Variants in CNTN5 observed in about 807,000 individuals in gnomAD.
CNTN5 encodes contactin-5.
In CNTN5, 77 loss-of-function variants were observed where a neutral mutation model predicts 129.1. The observed-to-expected ratio is 0.60, with a 90% CI of 0.50 to 0.72. The LOEUF (loss-of-function observed/expected upper bound fraction) is 0.72, where lower values mean the gene tolerates loss of function less well. CNTN5 is among the 30% of genes least tolerant of loss of function. The pLI is 0.00. For synonymous variants in CNTN5, 509 were observed against 465.6 expected (o/e 1.09, Z -1.20); for missense variants, 1,478 against 1,328.8 (o/e 1.11, Z -1.75).
chr11:99,045,278 A>G (rs1183611926), intron 1 of CNTN5, among the ~76,000 whole-genome samples: 1 of 152,254 alleles, frequency 6.6e-6, no homozygotes, highest in Non-Finnish European at 1.5e-5. Context: ...ACATTAGGTG[A>G]AATAATTATA....
chr11:99,307,069 C>T (rs986064869), intron 1 of CNTN5, among the ~76,000 whole-genome samples: 1 of 151,810 alleles, frequency 6.6e-6, no homozygotes. Flanking sequence ...CGTTTTGATC[C>T]CTAATGAAAT....
At chr11:100,039,919 C>G (rs183696252) in intron 9 of CNTN5, among the ~76,000 whole-genome samples, 3 of 152,070 alleles carry the variant, frequency 2.0e-5, no homozygotes, top group Non-Finnish European at 4.4e-5. Flanking sequence ...TTCGAATTTC[C>G]TCCTGTAGCT....
At chr11:99,441,938 C>T (rs77693326) in intron 2 of CNTN5, among the ~76,000 whole-genome samples, 1,666 of 152,136 alleles carry the variant, frequency 0.011, 30 homozygotes, top group East Asian at 0.1. Flanking sequence ...TCTCTGCCTC[C>T]GTACTATTGA....
chr11:100,337,165 C>T (rs1952054586), intron 21 of CNTN5: 1 of 1,456,544 alleles, frequency 6.9e-7, no homozygotes, highest in South Asian at 1.1e-5. Context: ...CATGAATGTT[C>T]ACCAGTGGGT....
chr11:99,986,881 G>A (rs566314513), intron 8 of CNTN5, among the ~76,000 whole-genome samples: 1 of 152,172 alleles, frequency 6.6e-6, no homozygotes, highest in East Asian at 1.9e-4. Flanking sequence ...ATAAAAATAA[G>A]GGAATGAAAA....
chr11:100,052,891 A>C (rs531589243), intron 9 of CNTN5, among the ~76,000 whole-genome samples: 1 of 151,924 alleles, frequency 6.6e-6, no homozygotes, highest in Non-Finnish European at 1.5e-5. Flanking sequence ...CAACAGAAGA[A>C]AGCTCAGAAA....
At chr11:99,460,642 G>A (rs534039611) in intron 2 of CNTN5, among the ~76,000 whole-genome samples, 45 of 151,992 alleles carry the variant, frequency 3.0e-4, no homozygotes, top group African/African-American at 1.1e-3. Flanking sequence ...TTAACTGACT[G>A]GACTTACCCT....
chr11:99,132,210 TAA>T (rs34834590), intron 1 of CNTN5, among the ~76,000 whole-genome samples: 2,438 of 148,724 alleles, frequency 0.016, 69 homozygotes, highest in African/African-American at 0.055. Flanking sequence ...CCTTTCATGT[TAA>T]AAAAAAAAAA....
chr11:99,536,979 T>C (rs890359167), intron 2 of CNTN5, among the ~76,000 whole-genome samples: 3 of 152,166 alleles, frequency 2.0e-5, no homozygotes, highest in African/African-American at 7.2e-5. Context: ...TACATTCCTT[T>C]TTCTGTACTA....
In CNTN5 at chr11:100,193,662, C is replaced by A. The variant is rs1344063270; in HGVS notation, c.1883C>A (p.Ala628Asp). ...GGTGGACATTTTGAAAGCATCAGGG[C>A]CGTAAGTGAATACACTTTTATTCTT... The part of the protein sequence containing the change: ...EEGGHFESIR[A>D]QASSADLMIR... The change falls in exon 15 of 25, where the codon GCC (alanine) becomes GAC (aspartate). Residue 628 changes from alanine to aspartate, a missense_variant and splice_region_variant. Transcript: ENST00000524871. 1 of 1,608,436 alleles carries A rather than the reference C, an allele frequency of 6.2e-7. No individual in the cohort carries two copies. Among genetic ancestry groups the A allele is most frequent in the Non-Finnish European group, 8.5e-7 (1 of 1,177,680 alleles).
chr11:100,126,193 T>A (rs568854295), intron 13 of CNTN5, among the ~76,000 whole-genome samples: 5 of 152,094 alleles, frequency 3.3e-5, no homozygotes, highest in Admixed American at 6.6e-5. Context: ...GAGTTTTTTT[T>A]AATTTATCGA....
At chr11:99,607,290 A>T (rs1405415872) in intron 3 of CNTN5, among the ~76,000 whole-genome samples, 1 of 111,308 alleles carries the variant, frequency 9.0e-6, no homozygotes. Context: ...TGGGCGAAGG[A>T]CATGAACAGA....
chr11:99,794,421 A>G (rs1029381692), intron 3 of CNTN5, among the ~76,000 whole-genome samples: 2 of 152,084 alleles, frequency 1.3e-5, no homozygotes, highest in Admixed American at 6.6e-5. Flanking sequence ...GCCTGTTTAC[A>G]TTCATGATTA....
At chr11:100,104,859 A>G (rs894040005) in intron 13 of CNTN5, among the ~76,000 whole-genome samples, 1 of 152,240 alleles carries the variant, frequency 6.6e-6, no homozygotes, top group East Asian at 1.9e-4. Context: ...CAGGCATATC[A>G]TATGTTCCTC....
intron 1 of CNTN5, among the ~76,000 whole-genome samples, chr11:99,289,690 C>T (rs1286054898): frequency 1.3e-5 from 2 of 151,778 alleles, no homozygotes; most frequent in East Asian, 1.9e-4. Flanking sequence ...TTTTTTATCT[C>T]CTGACATATG....
At chr11:99,805,113 A>G (rs1946229122) in intron 3 of CNTN5, among the ~76,000 whole-genome samples, 3 of 152,172 alleles carry the variant, frequency 2.0e-5, no homozygotes, top group Admixed American at 1.3e-4. Flanking sequence ...GCTTTGGTTT[A>G]AAGGTTTGAA....
intron 6 of CNTN5, among the ~76,000 whole-genome samples, chr11:99,889,737 C>T (rs1183657453): frequency 1.3e-5 from 2 of 151,948 alleles, no homozygotes; most frequent in Non-Finnish European, 2.9e-5. Context: ...CTGGGTTTCA[C>T]CATCTTGGCC....
intron 15 of CNTN5, among the ~76,000 whole-genome samples, chr11:100,217,521 T>C (rs986365745): frequency 4.6e-5 from 7 of 152,220 alleles, no homozygotes; most frequent in Non-Finnish European, 8.8e-5. Flanking sequence ...GGTCATGTAT[T>C]ACTAGCTATT....
At chr11:99,662,704 T>A (rs1952640345) in intron 3 of CNTN5, among the ~76,000 whole-genome samples, 1 of 152,192 alleles carries the variant, frequency 6.6e-6, no homozygotes, top group Admixed American at 6.5e-5. Context: ...TCAAGTACAT[T>A]TGAACACTGC....
Sources: allele counts gnomAD v4.1 joint callset (sites outside exome capture counted in the v4.1 genomes callset), GRCh38; gene constraint gnomAD v4.1.1; transcripts MANE v1.5; gene names NCBI Gene and HGNC (gene_info 2026-07-23, HGNC 2026-07-21).